EPS15L1: variants seen among roughly 807,000 people sequenced by gnomAD.
The protein encoded by EPS15L1 is epidermal growth factor receptor pathway substrate 15 like 1, also known as epidermal growth factor receptor substrate 15-like 1.
EPS15L1 carries 43 observed loss-of-function variants against 117.1 expected under a neutral mutation model. The ratio of observed to expected loss-of-function variants is 0.37; its 90% CI spans 0.29 to 0.47. EPS15L1 has a LOEUF of 0.47. Among genes scored for constraint, EPS15L1 ranks in the 20% least tolerant of loss-of-function variants. EPS15L1 has a pLI of 0.99. For missense variants in EPS15L1, 981 were observed against 1,164.0 expected, an observed-to-expected ratio of 0.84 and a Z score of 2.29; for synonymous variants, 459 against 470.5, an observed-to-expected ratio of 0.98 and a Z score of 0.32.
Position 16,404,583 on chromosome 19 carries a change from C to G in EPS15L1, c.1428+5G>C. On this transcript the variant is annotated splice_donor_5th_base_variant and intron_variant, in intron 14 of 23. Transcript: ENST00000455140. The surrounding 1 kb of genome is among the most constrained non-coding windows in gnomAD (Gnocchi z 4.2). ...GGCGCTGCCCCGGAGGTGGCCGGGA[C>G]CCACCATCTGAGTCTCATCCTGGCA... 6.2e-7 allele frequency: 1 copy of G among 1,614,032 alleles called. No homozygotes were observed. Among genetic ancestry groups the G allele is most frequent in the Non-Finnish European group, 8.5e-7 (1 of 1,179,990 alleles).
In EPS15L1 at chr19:16,404,877, G is replaced by A; in HGVS notation, c.1267-128C>T. 5.8e-6 allele frequency: 6 copies of A among 1,028,192 alleles called. No individual in the cohort carries two copies. The highest frequency in any genetic ancestry group is 8.7e-6 in the Non-Finnish European group (6 of 693,490). 63.7% of individuals were successfully genotyped at this position (1,028,192 alleles called of 1,614,324 possible). Reference sequence around the variant, plus strand: ...ACCACCCACTGTGACCGTGCTCAGGGCCAGCATTCCGTGCACACCCACGGC... The same window carrying A: ...ACCACCCACTGTGACCGTGCTCAGGACCAGCATTCCGTGCACACCCACGGC... On this transcript the variant is annotated intron_variant, in intron 13 of 23. Transcript: ENST00000455140. The surrounding 1 kb of genome is among the most constrained non-coding windows in gnomAD (Gnocchi z 4.2).
intron 5 of EPS15L1, 119 bp from the exon 6 acceptor site, chr19:16,437,118 G>A (rs62118102): frequency 0.087 from 69,682 of 798,554 alleles, 3,668 homozygotes; most frequent in Middle Eastern, 0.13. Context: ...ACTTCACAAA[G>A]TTAAACACAG....
At chr19:16,367,528 T>C (rs1179182420) in intron 22 of EPS15L1, among the ~76,000 whole-genome samples, 2 of 96,280 alleles carry the variant, frequency 2.1e-5, no homozygotes, top group Admixed American at 2.1e-4. Context: ...AAAAAAAAAC[T>C]TGGTGGCCGG....
chr19:16,391,512 T>C (rs2144768421), intron 19 of EPS15L1, among the ~76,000 whole-genome samples: 1 of 151,714 alleles, frequency 6.6e-6, no homozygotes, highest in Admixed American at 6.5e-5. Context: ...GGAGGGTGAG[T>C]GCCCGTCTCT....
chr19:16,450,957 C>CT (rs201406459), intron 1 of EPS15L1, among the ~76,000 whole-genome samples: 3,624 of 147,910 alleles, frequency 0.025, 116 homozygotes, highest in Admixed American at 0.088. Flanking sequence ...GGTACAGGCT[C>CT]TTTTTTTTTT....
At chr19:16,367,984 A>AGT (rs996285583) in intron 22 of EPS15L1, among the ~76,000 whole-genome samples, 126 of 151,380 alleles carry the variant, frequency 8.3e-4, no homozygotes, top group African/African-American at 2.5e-3. Context: ...AGAGAGAGAG[A>AGT]GTGTGTGTGT....
At chr19:16,379,803 T>G (rs1169780167) in intron 21 of EPS15L1, among the ~76,000 whole-genome samples, 1 of 151,836 alleles carries the variant, frequency 6.6e-6, no homozygotes, top group Non-Finnish European at 1.5e-5. Context: ...CTCCAGTATC[T>G]AGTCACACAG....
intron 23 of EPS15L1, chr19:16,357,538 G>A (rs150985484): frequency 0.017 from 2,552 of 153,152 alleles, 26 homozygotes; most frequent in South Asian, 0.029. Flanking sequence ...GCATGAGCGG[G>A]AAGCAGGAGA....
chr19:16,422,216 G>A (rs1460317000), intron 9 of EPS15L1, among the ~76,000 whole-genome samples: 1 of 152,188 alleles, frequency 6.6e-6, no homozygotes, highest in Non-Finnish European at 1.5e-5. Flanking sequence ...CAGTTAACTT[G>A]AGAGAGGCAA....
intron 1 of EPS15L1, among the ~76,000 whole-genome samples, chr19:16,451,260 A>G (rs1190030905): frequency 6.6e-6 from 1 of 151,996 alleles, no homozygotes; most frequent in South Asian, 2.1e-4. Context: ...CAGACTCTCC[A>G]ACAACTGCAA....
Position 16,404,662 on chromosome 19 carries a change from T to C in EPS15L1, c.1354A>G (p.Met452Val), listed in dbSNP as rs770760239. 6.2e-7 allele frequency: 1 copy of C among 1,614,150 alleles called. No individual in the cohort carries two copies. Among genetic ancestry groups the C allele is most frequent in the South Asian group, 1.1e-5 (1 of 91,078 alleles). ...KQDAQDRLDE[M>V]DQQKAKLRDM... ...CGGAGCTTGGCCTTCTGCTGGTCCA[T>C]CTCGTCCAGGCGGTCTTGAGCATCC... Residue 452 changes from methionine (M) to valine (V), a missense_variant, in exon 14 of 24, where the codon ATG (methionine) becomes GTG (valine). Met to Val is a conservative substitution (Grantham distance 21). Around this residue, in one of 5 missense-constraint regions of EPS15L1, gnomAD observed 819 missense variants for 949.0 expected, o/e 0.86. Coordinates refer to ENST00000455140, the MANE Select transcript of EPS15L1 (RefSeq NM_001258374.3). This position sits in a 1 kb window ranked among gnomAD's most constrained non-coding sequence, Gnocchi z 4.2.
chr19:16,401,200 C>T (rs567148189), intron 16 of EPS15L1: 46 of 985,474 alleles, frequency 4.7e-5, no homozygotes, highest in South Asian at 2.3e-4. Context: ...GGAGGCGGTG[C>T]ACCCAGCGGG....
At chr19:16,393,863 GT>G (rs2092510972) in intron 18 of EPS15L1, 87 bp downstream of exon 18, 1 of 1,288,458 alleles carries the variant, frequency 7.8e-7, no homozygotes, top group African/African-American at 1.5e-5. Context: ...CATCCCCGGT[GT>G]ATGTGGACAC....
At chr19:16,424,601 A>T (rs1303358981) in intron 9 of EPS15L1, among the ~76,000 whole-genome samples, 1 of 152,100 alleles carries the variant, frequency 6.6e-6, no homozygotes, top group African/African-American at 2.4e-5. Flanking sequence ...ACTTGAGCCA[A>T]GGAGTTCAAG....
At chr19:16,397,183 G>A (rs1246537435) in intron 16 of EPS15L1, among the ~76,000 whole-genome samples, 7 of 151,696 alleles carry the variant, frequency 4.6e-5, no homozygotes, top group East Asian at 1.9e-4. Flanking sequence ...TCCACCTCCC[G>A]GGTTCAAGTG....
In EPS15L1 at chr19:16,370,464, G is replaced by A. The variant is rs1351090133; in HGVS notation, c.2380+6658C>T. Among the ~76,000 whole-genome samples, 2 of 152,008 alleles carry A rather than the reference G, an allele frequency of 1.3e-5. No individual in the cohort carries two copies. The highest frequency in any genetic ancestry group is 2.9e-5 in the Non-Finnish European group (2 of 67,978). ...CGATGTCCCCAGGGCGATGGCTCCCGTCTGTTCACACCTATACTCAGATGC... is the reference window on the plus strand; with the variant it reads ...CGATGTCCCCAGGGCGATGGCTCCCATCTGTTCACACCTATACTCAGATGC... On this transcript the variant is annotated intron_variant, in intron 22 of 23. Transcript: ENST00000455140. This position sits in a 1 kb window ranked among gnomAD's most constrained non-coding sequence, Gnocchi z 5.2.
chr19:16,421,081 G>A (rs17796498), intron 10 of EPS15L1, among the ~76,000 whole-genome samples: 3,802 of 152,358 alleles, frequency 0.025, 126 homozygotes, highest in Admixed American at 0.087. Flanking sequence ...CACTTAAGAC[G>A]GACCAGAGGC....
At chr19:16,417,245 A>G (rs2092766834) in intron 12 of EPS15L1, among the ~76,000 whole-genome samples, 1 of 152,114 alleles carries the variant, frequency 6.6e-6, no homozygotes. Flanking sequence ...GCCTGGGACC[A>G]CACAGCTGCC....
At chr19:16,413,615 A>G in intron 13 of EPS15L1, 158 bp downstream of exon 13, 1 of 727,380 alleles carries the variant, frequency 1.4e-6, no homozygotes, top group South Asian at 1.9e-5. Flanking sequence ...TTCAGCCTGA[A>G]AAAAAAAAAA....
Sources: gnomAD v4.1 joint callset for allele counts (sites outside exome capture counted in the v4.1 genomes callset) on GRCh38, gnomAD v4.1.1 for gene constraint, gnomAD v4.1.1 regional missense constraint, Gnocchi (gnomAD v3.1) non-coding constraint, MANE v1.5 for transcripts, NCBI Gene and HGNC (gene_info 2026-07-23, HGNC 2026-07-21) for gene names.